The following NKIRAS2 variants were observed in gnomAD, a reference collection of about 807,000 sequenced individuals.
The protein encoded by NKIRAS2 is NFKB inhibitor interacting Ras like 2.
Under a neutral mutation model 20.7 loss-of-function variants are expected in NKIRAS2, and 15 were observed. The observed-to-expected ratio is 0.73, with a 90% CI of 0.49 to 1.12. The LOEUF is 1.12. Among genes scored for constraint, NKIRAS2 ranks in the 50% most tolerant of loss-of-function variants. The pLI is 0.00. For synonymous variants in NKIRAS2, 116 were observed against 101.4 expected, an observed-to-expected ratio of 1.14 and a Z score of -0.87; for missense variants, 196 against 249.6, an observed-to-expected ratio of 0.79 and a Z score of 1.45.
At chr17:42,020,630 C>T (rs1260680775) in intron 1 of NKIRAS2, 2 of 152,096 alleles carry the variant, frequency 1.3e-5, no homozygotes, top group South Asian at 2.1e-4. Flanking sequence ...CCTTTTTTTC[C>T]GTAGGTTTCT....
Position 42,024,267 on chromosome 17 carries a change from T to G in NKIRAS2, c.*374T>G. 1 of 281,340 alleles carries G rather than the reference T, an allele frequency of 3.6e-6. No individual in the cohort carries two copies. The highest frequency in any genetic ancestry group is 6.9e-6 in the Non-Finnish European group (1 of 144,000). The allele number at this position is 281,340 out of a possible 1,614,324, so 17.4% of individuals were successfully genotyped here. On this transcript the variant is annotated 3_prime_UTR_variant, in exon 4 of 4. Coordinates refer to ENST00000393885, the MANE Select transcript of NKIRAS2 (RefSeq NM_017595.6). Reference sequence around the variant, plus strand: ...TAGGTAGGGGCCCCACCCTCTGGGCTTCCCATCAGCGACACACACACACTT... The same window carrying G: ...TAGGTAGGGGCCCCACCCTCTGGGCGTCCCATCAGCGACACACACACACTT...
At chr17:42,023,270 A>T (rs567983321) in intron 3 of NKIRAS2, 1 of 253,098 alleles carries the variant, frequency 4.0e-6, no homozygotes, top group South Asian at 4.0e-5. Flanking sequence ...AAGTGTTGGG[A>T]TTACAGGCGT....
chr17:42,023,608 G>A, intron 3 of NKIRAS2, 46 bp from the exon 4 acceptor site: 1 of 1,579,840 alleles, frequency 6.3e-7, no homozygotes, highest in East Asian at 2.2e-5. Context: ...TCCATTCCTG[G>A]TTCTATGGTA....
At chr17:42,018,642 C>G (rs1555652454), upstream of NKIRAS2, 1 of 152,254 alleles carries the variant, frequency 6.6e-6, no homozygotes, top group African/African-American at 2.4e-5. Context: ...ACAAGACTTA[C>G]AGACCACCTG....
Position 42,021,251 on chromosome 17 carries a change from C to T in NKIRAS2, c.-14-313C>T, listed in dbSNP as rs567852278. The T allele has an allele frequency of 3.0e-4, 81 of 268,240 alleles. 1 individual carries two copies. In the Middle Eastern group the frequency reaches 1.0e-2, roughly 33 times the overall value. The allele number at this position is 268,240 out of a possible 1,614,324, so 16.6% of individuals were successfully genotyped here. On this transcript the variant is annotated intron_variant, in intron 1 of 3. Coordinates refer to ENST00000393885, the MANE Select transcript of NKIRAS2 (RefSeq NM_017595.6). ...CTCCTCTCCCTTTATGGCAGCATTT[C>T]CAAGCACCTGCCCTGTGACAGATAC...
intron 1 of NKIRAS2, chr17:42,021,243 C>T (rs1598168608): frequency 3.8e-6 from 1 of 263,208 alleles, no homozygotes; most frequent in South Asian, 4.5e-5. Context: ...CCCTTTATGG[C>T]AGCATTTCCA....
At position 42,024,410 on chromosome 17, in the gene NKIRAS2, G is replaced by A. The variant is rs2052529897; in HGVS notation, c.*517G>A. The A allele has an allele frequency of 4.4e-5, 7 of 157,732 alleles. No individual in the cohort carries two copies. The South Asian group carries it at 1.2e-3, about 27-fold the overall frequency. The allele number at this position is 157,732 out of a possible 1,614,324, so 9.8% of individuals were successfully genotyped here. A position where few individuals can be genotyped will look rare whatever the true frequency, so the allele number is the denominator to read the frequency against. ...TAGGCGTCTCCTCATCCCTCACCCT[G>A]ACCTTTCTCCTGTCCTTTTCTTGGC... On this transcript the variant is annotated 3_prime_UTR_variant, in exon 4 of 4. Transcript: ENST00000393885.
rs2052529291 is a variant in NKIRAS2 at position 42,024,383 on chromosome 17, A to G, written c.*490A>G. ...CACACAAATATGCTCCTATACTGGC[A>G]TTAGGCGTCTCCTCATCCCTCACCC... is the stretch of plus-strand genomic sequence containing the variant. On this transcript the variant is annotated 3_prime_UTR_variant, in exon 4 of 4. Coordinates refer to ENST00000393885, the MANE Select transcript of NKIRAS2 (RefSeq NM_017595.6). 1 of 165,026 alleles carries G rather than the reference A, an allele frequency of 6.1e-6. No individual in the cohort carries two copies. The highest frequency in any genetic ancestry group is 1.4e-4 in the South Asian group (1 of 7,374). The allele number at this position is 165,026 out of a possible 1,614,324, so 10.2% of individuals were successfully genotyped here. A position where few individuals can be genotyped will look rare whatever the true frequency, so the allele number is the denominator to read the frequency against.
chr17:42,024,145 C>T lies in NKIRAS2; in HGVS notation c.*252C>T. The T allele has an allele frequency of 2.0e-6, 1 of 500,934 alleles. No homozygotes were observed. Among genetic ancestry groups the T allele is most frequent in the African/African-American group, 1.9e-5 (1 of 51,518 alleles). 31.0% of individuals were successfully genotyped at this position (500,934 alleles called of 1,614,324 possible). On this transcript the variant is annotated 3_prime_UTR_variant, in exon 4 of 4. Transcript: ENST00000393885. The stretch of plus-strand genomic sequence containing the variant: ...TTTAGAGGATCTGCTCCACTGTCTC[C>T]TGGGGCAGTTGTGGGTCACTGTCCC...
Position 42,022,389 on chromosome 17 carries a change from T to C in NKIRAS2, c.95-10T>C, listed in dbSNP as rs202191992. On this transcript the variant is annotated splice_polypyrimidine_tract_variant and intron_variant, in intron 2 of 3. Transcript: ENST00000393885. ...TCTCCACTTCAGACAGTTTTCTCATTTTATACCAGGTTCGGAGATGATCGA... is the reference window on the plus strand; with the variant it reads ...TCTCCACTTCAGACAGTTTTCTCATCTTATACCAGGTTCGGAGATGATCGA... The C allele has an allele frequency of 3.8e-6, 6 of 1,565,310 alleles. No individual in the cohort carries two copies. The highest frequency in any genetic ancestry group is 1.2e-5 in the South Asian group (1 of 86,040).
chr17:42,023,615 G>A, intron 3 of NKIRAS2, 39 bp from the exon 4 acceptor site: 1 of 1,589,056 alleles, frequency 6.3e-7, no homozygotes, highest in South Asian at 1.1e-5. Flanking sequence ...CTGGTTCTAT[G>A]GTACATTCAC....
chr17:42,021,983 G>A (rs1555653134), intron 2 of NKIRAS2: 2 of 585,570 alleles, frequency 3.4e-6, no homozygotes, highest in African/African-American at 1.8e-5. Flanking sequence ...GCTGAGGCGG[G>A]TGGATCACCT....
intron 2 of NKIRAS2, 40 bp from the exon 3 acceptor site, chr17:42,022,359 C>T (rs372413978): frequency 3.3e-5 from 50 of 1,531,898 alleles, no homozygotes; most frequent in East Asian, 4.5e-5. Context: ...CATTTCCCAT[C>T]TCTCTCTCCA....
At chr17:42,021,856 C>T (rs1555653090) in intron 2 of NKIRAS2, 185 bp downstream of exon 2, 1 of 752,790 alleles carries the variant, frequency 1.3e-6, no homozygotes, top group Non-Finnish European at 2.4e-6. Context: ...GCCCTATGTC[C>T]AAGATAGGAA....
At chr17:42,019,469 A>G (rs2052390005), upstream of NKIRAS2, among the ~76,000 whole-genome samples, 1 of 152,134 alleles carries the variant, frequency 6.6e-6, no homozygotes, top group Non-Finnish European at 1.5e-5. Flanking sequence ...TTGGCCTACC[A>G]CACAAAGCCT....
chr17:42,020,447 G>C (rs1460364627), intron 1 of NKIRAS2: 1 of 151,968 alleles, frequency 6.6e-6, no homozygotes, highest in Non-Finnish European at 1.5e-5. Flanking sequence ...CTTTGGGAGT[G>C]ATCTATCTCT....
At chr17:42,021,779 C>A in intron 2 of NKIRAS2, 108 bp downstream of exon 2, 1 of 1,026,528 alleles carries the variant, frequency 9.7e-7, no homozygotes, top group Non-Finnish European at 1.5e-6. Flanking sequence ...GTTTTCCCCC[C>A]TGGAAGAATA....
chr17:42,018,242 T>G (rs572342663), upstream of NKIRAS2, among the ~76,000 whole-genome samples: 1 of 152,326 alleles, frequency 6.6e-6, no homozygotes, highest in African/African-American at 2.4e-5. Flanking sequence ...GAATGCGGTC[T>G]GGATTGAGAA....
intron 3 of NKIRAS2, 94 bp from the exon 4 acceptor site, chr17:42,023,560 C>T: frequency 9.0e-7 from 1 of 1,105,168 alleles, no homozygotes; most frequent in Non-Finnish European, 1.3e-6. Context: ...ATTGAGCTTT[C>T]CTCTCATAGA....
Sources: allele counts gnomAD v4.1 joint callset (sites outside exome capture counted in the v4.1 genomes callset), GRCh38; gene constraint gnomAD v4.1.1; transcripts MANE v1.5; gene names NCBI Gene and HGNC (gene_info 2026-07-23, HGNC 2026-07-21).